The following SGMS1 variants were observed in gnomAD, a reference collection of about 807,000 sequenced individuals.
The protein encoded by SGMS1 is sphingomyelin synthase 1.
A neutral mutation model predicts 46.2 loss-of-function variants in SGMS1; 13 were observed. The observed-to-expected ratio is 0.28, with a 90% CI of 0.18 to 0.45. The LOEUF (loss-of-function observed/expected upper bound fraction) is 0.45. Among genes scored for constraint, SGMS1 ranks in the 20% least tolerant of loss-of-function variants. The pLI is 1.00. For synonymous variants in SGMS1, 203 were observed against 187.8 expected (o/e 1.08, Z -0.66); for missense variants, 324 against 519.9 (o/e 0.62, Z 3.66).
At chr10:50,586,754 TGTC>T (rs892121395) in intron 2 of SGMS1, among the ~76,000 whole-genome samples, 13 of 152,260 alleles carry the variant, frequency 8.5e-5, no homozygotes, top group African/African-American at 3.1e-4. Context: ...TTCTCGCTGC[TGTC>T]TAGATTCCTC....
At chr10:50,397,731 C>T (rs1026069002) in intron 6 of SGMS1, among the ~76,000 whole-genome samples, 3 of 152,136 alleles carry the variant, frequency 2.0e-5, no homozygotes, top group African/African-American at 7.2e-5. Context: ...TGATAAAATG[C>T]AACAGCTGTT....
chr10:50,566,943 T>C (rs1331451921), intron 2 of SGMS1, among the ~76,000 whole-genome samples: 4 of 152,134 alleles, frequency 2.6e-5, no homozygotes, highest in African/African-American at 4.8e-5. Flanking sequence ...TTGTTGTTGT[T>C]GTTGTCGTTG....
At chr10:50,507,381 T>C (rs892274911) in intron 3 of SGMS1, among the ~76,000 whole-genome samples, 2 of 152,212 alleles carry the variant, frequency 1.3e-5, no homozygotes, top group African/African-American at 4.8e-5. Context: ...ATGCAGCTCT[T>C]CTGAGCGACA....
chr10:50,465,209 T>TG (rs537827680), intron 4 of SGMS1, among the ~76,000 whole-genome samples: 128 of 152,212 alleles, frequency 8.4e-4, no homozygotes, highest in Non-Finnish European at 1.5e-3. Context: ...GTAAGGTCTC[T>TG]GCCCAAAGAC....
Position 50,343,887 on chromosome 10 carries a change from G to C in SGMS1, c.228C>G (p.His76Gln). ...TLKMEHHLEA[H>Q]KNGHANGHLN... is the part of the protein sequence containing the mutation. ...GGTGCCCATTGGCATGGCCGTTCTT[G>C]TGTGCTTCCAAATGGTGCTCCATTT... Residue 76 changes from histidine to glutamine, a missense_variant, in exon 7 of 11, where the codon CAC becomes CAG. Coordinates refer to ENST00000361781, the MANE Select transcript of SGMS1 (RefSeq NM_147156.4). The C allele has an allele frequency of 6.2e-7, 1 of 1,614,188 alleles. No individual in the cohort carries two copies. The highest frequency in any genetic ancestry group is 8.5e-7 in the Non-Finnish European group (1 of 1,180,040).
chr10:50,549,826 T>C (rs1838133643), intron 2 of SGMS1, among the ~76,000 whole-genome samples: 1 of 152,112 alleles, frequency 6.6e-6, no homozygotes, highest in African/African-American at 2.4e-5. Context: ...AAATGAAAAA[T>C]TTTAAATGCC....
intron 3 of SGMS1, among the ~76,000 whole-genome samples, chr10:50,490,664 AC>A (rs1272412176): frequency 2.0e-5 from 3 of 152,184 alleles, no homozygotes; most frequent in Non-Finnish European, 4.4e-5. Flanking sequence ...CCAATGTGTA[AC>A]TTCATGGTGT....
intron 4 of SGMS1, among the ~76,000 whole-genome samples, chr10:50,461,621 T>C (rs1451875296): frequency 1.3e-5 from 2 of 152,182 alleles, no homozygotes; most frequent in Non-Finnish European, 2.9e-5. Flanking sequence ...AAACTAAGCC[T>C]GTTCTATCCC....
chr10:50,600,668 TC>T (rs1838641483), intron 1 of SGMS1, among the ~76,000 whole-genome samples: 1 of 152,218 alleles, frequency 6.6e-6, no homozygotes, highest in South Asian at 2.1e-4. Flanking sequence ...CCAGCTTCAG[TC>T]CTCCTGGCTG....
At chr10:50,345,292 C>T (rs1341475743) in intron 6 of SGMS1, among the ~76,000 whole-genome samples, 1 of 151,956 alleles carries the variant, frequency 6.6e-6, no homozygotes, top group Non-Finnish European at 1.5e-5. Flanking sequence ...TCTGTGAGAT[C>T]CCACAGTTTA....
intron 3 of SGMS1, among the ~76,000 whole-genome samples, chr10:50,495,203 A>C (rs1837603830): frequency 7.4e-6 from 1 of 135,712 alleles, no homozygotes. Flanking sequence ...GCACCACTGC[A>C]CTCTAGTCTG....
intron 6 of SGMS1, among the ~76,000 whole-genome samples, chr10:50,359,850 A>G (rs978600162): frequency 2.0e-5 from 3 of 152,208 alleles, no homozygotes; most frequent in African/African-American, 7.2e-5. Flanking sequence ...AACAAAATGT[A>G]TTACTTTTGT....
chr10:50,474,929 C>T (rs1188521399), intron 3 of SGMS1, among the ~76,000 whole-genome samples: 1 of 152,126 alleles, frequency 6.6e-6, no homozygotes, highest in Non-Finnish European at 1.5e-5. Context: ...TCTTATTATT[C>T]AGGCTTTAAC....
chr10:50,540,451 A>C (rs958490257), intron 2 of SGMS1, among the ~76,000 whole-genome samples: 4 of 152,200 alleles, frequency 2.6e-5, no homozygotes, highest in Non-Finnish European at 5.9e-5. Context: ...CACTCAACAA[A>C]TATGAATAAG....
At chr10:50,571,657 A>C (rs1298342393) in intron 2 of SGMS1, among the ~76,000 whole-genome samples, 2 of 152,220 alleles carry the variant, frequency 1.3e-5, no homozygotes, top group African/African-American at 4.8e-5. Flanking sequence ...CACTAGACAT[A>C]TCTAATGTGC....
rs563092609 is a variant in SGMS1 at position 50,424,488 on chromosome 10, A to G, written c.-232+8988T>C. Among the ~76,000 whole-genome samples, 528 of 152,356 alleles carry G rather than the reference A, an allele frequency of 3.5e-3. 1 individual carries two copies. Among genetic ancestry groups the G allele is most frequent in the African/African-American group, 0.012 (507 of 41,582 alleles). On this transcript the variant is annotated intron_variant, in intron 6 of 10. Coordinates refer to ENST00000361781, the MANE Select transcript of SGMS1 (RefSeq NM_147156.4). ...TTTTAACCTAGGAAATATCCTGGAC[A>G]TCGGCCTTGGCAAGGAATTTATGAC... is the stretch of plus-strand genomic sequence containing the variant.
intron 3 of SGMS1, among the ~76,000 whole-genome samples, chr10:50,480,762 A>G (rs1407571895): frequency 6.6e-6 from 1 of 152,058 alleles, no homozygotes; most frequent in Non-Finnish European, 1.5e-5. Flanking sequence ...AAGATGACTG[A>G]GTTCCTGTCG....
intron 6 of SGMS1, among the ~76,000 whole-genome samples, chr10:50,411,056 T>C (rs986723100): frequency 6.6e-6 from 1 of 152,186 alleles, no homozygotes; most frequent in Non-Finnish European, 1.5e-5. Flanking sequence ...AAGGTATATA[T>C]AGTACACATA....
chr10:50,571,726 A>G (rs889459579), intron 2 of SGMS1, among the ~76,000 whole-genome samples: 1 of 152,218 alleles, frequency 6.6e-6, no homozygotes, highest in Non-Finnish European at 1.5e-5. Context: ...TGGGTATAAA[A>G]CCAATATTTA....
Sources: allele counts gnomAD v4.1 joint callset (sites outside exome capture counted in the v4.1 genomes callset), GRCh38; gene constraint gnomAD v4.1.1; transcripts MANE v1.5; gene names NCBI Gene and HGNC (gene_info 2026-07-23, HGNC 2026-07-21).